Variants in TMCC1 observed in about 807,000 individuals in gnomAD.
The protein encoded by TMCC1 is transmembrane and coiled-coil domains protein 1.
Under a neutral mutation model 52.4 loss-of-function variants are expected in TMCC1, and 15 were observed. The ratio of observed to expected loss-of-function variants is 0.29; its 90% CI spans 0.19 to 0.44. TMCC1 has a LOEUF of 0.44. Ranked by LOEUF, TMCC1 falls within the 20% of genes least tolerant of loss-of-function variation. TMCC1 has a pLI of 1.00. For missense variants in TMCC1, 503 were observed against 806.0 expected (o/e 0.62, Z 4.55); for synonymous variants, 279 against 301.9 (o/e 0.92, Z 0.79).
chr3:129,661,854 G>GA (rs540911459), intron 5 of TMCC1, among the ~76,000 whole-genome samples: 74 of 150,738 alleles, frequency 4.9e-4, no homozygotes, highest in African/African-American at 1.6e-3. Flanking sequence ...ATAACGAAAG[G>GA]AAAAAAAAAC....
intron 4 of TMCC1, among the ~76,000 whole-genome samples, chr3:129,812,268 G>C (rs1027282139): frequency 6.7e-6 from 1 of 148,996 alleles, no homozygotes; most frequent in Non-Finnish European, 1.5e-5. Flanking sequence ...CTTGAATCTG[G>C]GAGGTGGAGG....
chr3:129,698,281 G>A (rs760532550), intron 4 of TMCC1, among the ~76,000 whole-genome samples: 7 of 152,170 alleles, frequency 4.6e-5, no homozygotes, highest in Non-Finnish European at 1.0e-4. Flanking sequence ...AAGACAGCAT[G>A]TACAGGGGAA....
At chr3:129,866,225 C>T (rs534996755) in intron 2 of TMCC1, among the ~76,000 whole-genome samples, 5 of 146,926 alleles carry the variant, frequency 3.4e-5, no homozygotes, top group Admixed American at 6.9e-5. Context: ...CAAAGACCCA[C>T]AGCTATATAC....
rs1054199372 is a variant in TMCC1 at position 129,828,432 on chromosome 3, A to T, written c.-54T>A. On this transcript the variant is annotated 5_prime_UTR_variant, in exon 4 of 7. Transcript: ENST00000393238. The surrounding 1 kb of genome is among the most constrained non-coding windows in gnomAD (Gnocchi z 4.1). ...CTCAAAAAAATTTTTTAAACACACCAAGAGTGTCAAATTAGGTAGGCATTT... is the reference window on the plus strand; with the variant it reads ...CTCAAAAAAATTTTTTAAACACACCTAGAGTGTCAAATTAGGTAGGCATTT... 1 of 1,534,222 alleles carries T rather than the reference A, an allele frequency of 6.5e-7. No homozygotes were observed. Among genetic ancestry groups the T allele is most frequent in the Admixed American group, 1.9e-5 (1 of 53,922 alleles).
intron 5 of TMCC1, among the ~76,000 whole-genome samples, chr3:129,666,909 A>G (rs1056758158): frequency 6.7e-6 from 1 of 149,270 alleles, no homozygotes; most frequent in African/African-American, 2.5e-5. Flanking sequence ...TTATTTTTTA[A>G]TTTTTTTTTT....
At chr3:129,761,828 TA>T (rs1374727241) in intron 4 of TMCC1, among the ~76,000 whole-genome samples, 2 of 151,720 alleles carry the variant, frequency 1.3e-5, no homozygotes, top group Non-Finnish European at 2.9e-5. Context: ...CCATCTCTAC[TA>T]AAAATACAAA....
intron 4 of TMCC1, among the ~76,000 whole-genome samples, chr3:129,733,713 C>G (rs2050723489): frequency 6.6e-6 from 1 of 152,136 alleles, no homozygotes; most frequent in African/African-American, 2.4e-5. Flanking sequence ...ATTTCACCAG[C>G]AAGCAGCATT....
rs1560171061 is a variant in TMCC1, at chr3:129,678,217, G to A, written c.577-6953C>T. ...TTACAGGCATGAGCCACCACGCCTG[G>A]CCAATTCTTTTTTTTTTCTCATATA... On this transcript the variant is annotated intron_variant, in intron 4 of 6. Transcript: ENST00000393238. Among the ~76,000 whole-genome samples, 5 of 151,884 alleles carry A rather than the reference G, an allele frequency of 3.3e-5. No individual in the cohort carries two copies. In the South Asian group the frequency reaches 1.0e-3, roughly 32 times the overall value.
intron 4 of TMCC1, among the ~76,000 whole-genome samples, chr3:129,687,968 G>A (rs1361545728): frequency 1.3e-5 from 2 of 152,198 alleles, no homozygotes; most frequent in African/African-American, 4.8e-5. Context: ...GCTTCTGTCT[G>A]TTGAGAGACA....
At chr3:129,867,765 A>G (rs996019713) in intron 2 of TMCC1, among the ~76,000 whole-genome samples, 1 of 152,226 alleles carries the variant, frequency 6.6e-6, no homozygotes, top group Non-Finnish European at 1.5e-5. Flanking sequence ...AGGCCATAGT[A>G]GAAATAAGTT....
chr3:129,735,506 A>C (rs1378828658), intron 4 of TMCC1, among the ~76,000 whole-genome samples: 1 of 151,928 alleles, frequency 6.6e-6, no homozygotes, highest in Non-Finnish European at 1.5e-5. Context: ...AAAAATAGCC[A>C]GGTGTTGTGG....
chr3:129,667,460 G>A (rs1446344245), intron 5 of TMCC1, among the ~76,000 whole-genome samples: 3 of 152,008 alleles, frequency 2.0e-5, no homozygotes, highest in African/African-American at 7.2e-5. Flanking sequence ...CTTCAAGATT[G>A]TGTTTTAAGG....
intron 4 of TMCC1, among the ~76,000 whole-genome samples, chr3:129,673,355 T>G (rs995288321): frequency 6.6e-6 from 1 of 152,198 alleles, no homozygotes; most frequent in African/African-American, 2.4e-5. Flanking sequence ...TTGCATTTTC[T>G]TTCTGAATGA....
At chr3:129,890,010 G>A (rs893398156) in intron 1 of TMCC1, among the ~76,000 whole-genome samples, 1 of 152,146 alleles carries the variant, frequency 6.6e-6, no homozygotes, top group African/African-American at 2.4e-5. Flanking sequence ...AATGGCTGGG[G>A]CATGGTGGCT....
chr3:129,663,785 T>A (rs971544297), intron 5 of TMCC1, among the ~76,000 whole-genome samples: 7 of 152,208 alleles, frequency 4.6e-5, no homozygotes, highest in Non-Finnish European at 8.8e-5. Context: ...AACCCAGATC[T>A]TTGTATTCCC....
chr3:129,710,890 A>T (rs1576537689), intron 4 of TMCC1, among the ~76,000 whole-genome samples: 1 of 152,260 alleles, frequency 6.6e-6, no homozygotes, highest in East Asian at 1.9e-4. Flanking sequence ...CTTGAGATGG[A>T]GTCTCGCTCT....
chr3:129,803,114 A>G (rs2057285846), intron 4 of TMCC1, among the ~76,000 whole-genome samples: 1 of 152,256 alleles, frequency 6.6e-6, no homozygotes, highest in Non-Finnish European at 1.5e-5. Flanking sequence ...TCACGAGGGC[A>G]GAGCCCTCAT....
intron 4 of TMCC1, among the ~76,000 whole-genome samples, chr3:129,715,037 G>C (rs1438597337): frequency 6.6e-6 from 1 of 152,100 alleles, no homozygotes; most frequent in Non-Finnish European, 1.5e-5. Flanking sequence ...TATCTGCCCA[G>C]TAGAGGACTC....
At chr3:129,892,559 T>C (rs2062018028) in intron 1 of TMCC1, 1 of 152,128 alleles carries the variant, frequency 6.6e-6, no homozygotes, top group South Asian at 2.1e-4. Context: ...ATAAGCTAAT[T>C]TAGGAATTCA....
Sources: allele counts gnomAD v4.1 joint callset (sites outside exome capture counted in the v4.1 genomes callset), GRCh38; gene constraint gnomAD v4.1.1; non-coding constraint Gnocchi (gnomAD v3.1); transcripts MANE v1.5; gene names NCBI Gene and HGNC (gene_info 2026-07-23, HGNC 2026-07-21).